The following TATDN1 variants were observed in gnomAD, a reference collection of about 807,000 sequenced individuals.
TATDN1 encodes deoxyribonuclease TATDN1.
TATDN1 carries 40 observed loss-of-function variants against 46.4 expected under a neutral mutation model. That is an observed-to-expected ratio of 0.86 (90% CI 0.67 to 1.12). The LOEUF (loss-of-function observed/expected upper bound fraction) is 1.12. Ranked by LOEUF, TATDN1 falls within the 50% of genes most tolerant of loss-of-function variation. TATDN1 has a pLI of 0.00. For synonymous variants in TATDN1, 95 were observed against 105.6 expected (o/e 0.90, Z 0.62); for missense variants, 326 against 348.4 (o/e 0.94, Z 0.51).
intron 8 of TATDN1, 192 bp from the exon 9 acceptor site, chr8:124,504,539 G>C (rs1383162348): frequency 5.2e-6 from 2 of 381,954 alleles, no homozygotes; most frequent in Non-Finnish European, 9.4e-6. Flanking sequence ...ATCATCTCCA[G>C]TGACATGATG....
chr8:124,523,044 C>T, intron 1 of TATDN1, 42 bp from the exon 2 acceptor site: 1 of 1,543,154 alleles, frequency 6.5e-7, no homozygotes, highest in Non-Finnish European at 8.9e-7. Context: ...TGAGTCTCTA[C>T]ATGAAACTTG....
At chr8:124,533,462 C>T (rs1821148830) in intron 1 of TATDN1, among the ~76,000 whole-genome samples, 1 of 151,292 alleles carries the variant, frequency 6.6e-6, no homozygotes, top group Non-Finnish European at 1.5e-5. Context: ...CTTGATGAGG[C>T]CTGAGGGGGT....
In TATDN1 at chr8:124,503,865, G is replaced by A. The variant is rs765332377; in HGVS notation, c.593+406C>T. The A allele has an allele frequency of 2.4e-5, 30 of 1,276,016 alleles. No individual in the cohort carries two copies. The East Asian group carries it at 3.3e-4, about 14-fold the overall frequency. The allele number at this position is 1,276,016 out of a possible 1,614,324, so 79.0% of individuals were successfully genotyped here. Reference sequence around the variant, plus strand: ...CTGTTTCCTAATTTCTTTGAGCCTCGGTTTCTTTGACTGCAGAGATGTATG... The same window carrying A: ...CTGTTTCCTAATTTCTTTGAGCCTCAGTTTCTTTGACTGCAGAGATGTATG... On this transcript the variant is annotated intron_variant, in intron 9 of 11. Coordinates refer to ENST00000276692, the MANE Select transcript of TATDN1 (RefSeq NM_032026.4).
At position 124,523,729 on chromosome 8, in the gene TATDN1, C is replaced by T. The variant is rs147282468; in HGVS notation, c.23-727G>A. Among the ~76,000 whole-genome samples, 1,049 of 152,224 alleles carry T rather than the reference C, an allele frequency of 6.9e-3. 11 individuals carry two copies. The highest frequency in any genetic ancestry group is 0.023 in the African/African-American group (944 of 41,550). ...GATATGCACAGGTTACAGGCAAACACCAAGCCATTTTATGTAAGGGTTTTG... is the reference window on the plus strand; with the variant it reads ...GATATGCACAGGTTACAGGCAAACATCAAGCCATTTTATGTAAGGGTTTTG... On this transcript the variant is annotated intron_variant, in intron 1 of 11. Transcript: ENST00000276692.
chr8:124,525,214 C>T (rs1820381365), intron 1 of TATDN1, among the ~76,000 whole-genome samples: 1 of 152,098 alleles, frequency 6.6e-6, no homozygotes, highest in Admixed American at 6.6e-5. Flanking sequence ...GGCACAATCT[C>T]AGCTCACTGC....
intron 9 of TATDN1, among the ~76,000 whole-genome samples, chr8:124,497,288 C>CTTTT (rs750659706): frequency 2.0e-5 from 2 of 101,166 alleles, no homozygotes; most frequent in African/African-American, 2.9e-5. Flanking sequence ...CTTTCTTCTT[C>CTTTT]TTTTTTTTTT....
chr8:124,515,083 C>A (rs763064454), intron 6 of TATDN1, among the ~76,000 whole-genome samples: 3 of 152,174 alleles, frequency 2.0e-5, no homozygotes, highest in African/African-American at 7.2e-5. Context: ...GGCTGCTGTG[C>A]CTGGCTTGTA....
chr8:124,496,583 T>A (rs893380888), intron 9 of TATDN1, among the ~76,000 whole-genome samples: 1 of 152,222 alleles, frequency 6.6e-6, no homozygotes, highest in Non-Finnish European at 1.5e-5. Context: ...ACACAGTATG[T>A]AGTCTTTTTC....
chr8:124,516,717 TA>T (rs1388482196), intron 4 of TATDN1, among the ~76,000 whole-genome samples: 1 of 109,838 alleles, frequency 9.1e-6, no homozygotes, highest in African/African-American at 2.6e-5. Flanking sequence ...AATATAGCAA[TA>T]AAAATGTATT....
chr8:124,531,007 T>G (rs2131560270), intron 1 of TATDN1, among the ~76,000 whole-genome samples: 1 of 152,204 alleles, frequency 6.6e-6, no homozygotes, highest in Non-Finnish European at 1.5e-5. Context: ...GCACAAGGAT[T>G]AATTAATAGC....
Position 124,503,789 on chromosome 8 carries a change from A to G in TATDN1, c.593+482T>C, listed in dbSNP as rs144282561. The G allele has an allele frequency of 3.4e-4, 207 of 601,322 alleles. 4 individuals carry two copies. The East Asian group carries it at 0.013, about 39-fold the overall frequency. 37.2% of individuals were successfully genotyped at this position (601,322 alleles called of 1,614,324 possible). On this transcript the variant is annotated intron_variant, in intron 9 of 11. Transcript: ENST00000276692. ...TGTGGTACAACAGCAGAAAGATCAC[A>G]GAGTGAGAAGCCAGAGGACATGGGT...
chr8:124,531,196 T>C (rs1820921773), intron 1 of TATDN1, among the ~76,000 whole-genome samples: 1 of 151,062 alleles, frequency 6.6e-6, no homozygotes, highest in Non-Finnish European at 1.5e-5. Context: ...AAGCCTAAAG[T>C]TCCCTCCTGT....
At chr8:124,512,693 G>A (rs1270362831) in intron 6 of TATDN1, among the ~76,000 whole-genome samples, 1 of 152,146 alleles carries the variant, frequency 6.6e-6, no homozygotes, top group Non-Finnish European at 1.5e-5. Flanking sequence ...GTAAGACTTG[G>A]TGTGTGCCTT....
intron 3 of TATDN1, 37 bp from the exon 4 acceptor site, chr8:124,518,918 T>C (rs773099240): frequency 2.2e-6 from 3 of 1,388,972 alleles, no homozygotes; most frequent in South Asian, 1.2e-5. Flanking sequence ...CTGACTTTAA[T>C]AGGGCAGCAA....
At chr8:124,498,951 C>CTTT (rs77795578) in intron 9 of TATDN1, among the ~76,000 whole-genome samples, 3 of 132,352 alleles carry the variant, frequency 2.3e-5, no homozygotes, top group African/African-American at 5.6e-5. Context: ...CGCCTGGCCT[C>CTTT]TTTTTTTTTT....
chr8:124,488,539 G>C lies in TATDN1; in HGVS notation c.*55C>G, dbSNP rs1586530017. ...ATAATTTCTTTATTGAAACTATCAGGAAGTTTTACTATGAAATTTTACATA... is the reference window on the plus strand; with the variant it reads ...ATAATTTCTTTATTGAAACTATCAGCAAGTTTTACTATGAAATTTTACATA... On this transcript the variant is annotated 3_prime_UTR_variant, in exon 12 of 12. Transcript: ENST00000276692. 6 of 898,424 alleles carry C rather than the reference G, an allele frequency of 6.7e-6. No individual in the cohort carries two copies. The East Asian group carries it at 1.5e-4, about 22-fold the overall frequency. The allele number at this position is 898,424 out of a possible 1,614,324, so 55.7% of individuals were successfully genotyped here.
At chr8:124,523,939 G>A (rs1820269052) in intron 1 of TATDN1, among the ~76,000 whole-genome samples, 1 of 152,134 alleles carries the variant, frequency 6.6e-6, no homozygotes. Context: ...AACAAGATAT[G>A]AAGTCAGACT....
intron 10 of TATDN1, 127 bp downstream of exon 10, chr8:124,495,345 T>C: frequency 2.9e-6 from 2 of 686,400 alleles, no homozygotes; most frequent in South Asian, 3.5e-5. Flanking sequence ...AAAACATAAT[T>C]GTTGAGGTTG....
At chr8:124,504,085 C>G in intron 9 of TATDN1, 186 bp downstream of exon 9, 1 of 763,936 alleles carries the variant, frequency 1.3e-6, no homozygotes, top group Non-Finnish European at 2.0e-6. Flanking sequence ...AACTTTCGAG[C>G]TTTAACTTTT....
Sources: allele counts gnomAD v4.1 joint callset (sites outside exome capture counted in the v4.1 genomes callset), GRCh38; gene constraint gnomAD v4.1.1; transcripts MANE v1.5; gene names NCBI Gene and HGNC (gene_info 2026-07-23, HGNC 2026-07-21).